The following CTNNA3 variants were observed in gnomAD, a reference collection of about 807,000 sequenced individuals.
CTNNA3 encodes catenin alpha-3.
In CTNNA3, 76 loss-of-function variants were observed where a neutral mutation model predicts 95.7. That is an observed-to-expected ratio of 0.79 (90% confidence interval 0.66 to 0.96). CTNNA3 has a LOEUF of 0.96. Ranked by LOEUF, CTNNA3 falls within the 40% of genes least tolerant of loss-of-function variation. CTNNA3 has a pLI of 0.00. For missense variants in CTNNA3, 1,191 were observed against 1,089.8 expected, an observed-to-expected ratio of 1.09 and a Z score of -1.31; for synonymous variants, 431 against 374.4, an observed-to-expected ratio of 1.15 and a Z score of -1.74.
At chr10:66,821,152 CAT>C (rs1842292685) in intron 7 of CTNNA3, among the ~76,000 whole-genome samples, 1 of 152,056 alleles carries the variant, frequency 6.6e-6, no homozygotes, top group African/African-American at 2.4e-5. Flanking sequence ...TATTCATGCA[CAT>C]AGTTTCCTTG....
At chr10:66,528,575 A>G (rs1841351171) in intron 10 of CTNNA3, among the ~76,000 whole-genome samples, 1 of 152,128 alleles carries the variant, frequency 6.6e-6, no homozygotes, top group South Asian at 2.1e-4. Flanking sequence ...AAAACCTGCC[A>G]CAAATAGTTT....
chr10:67,089,990 T>C (rs1857535086), intron 7 of CTNNA3, among the ~76,000 whole-genome samples: 1 of 152,032 alleles, frequency 6.6e-6, no homozygotes, highest in African/African-American at 2.4e-5. Flanking sequence ...TGAAACAAAA[T>C]AATCAAACTA....
intron 9 of CTNNA3, among the ~76,000 whole-genome samples, chr10:66,728,385 G>T (rs995700231): frequency 6.6e-6 from 1 of 152,112 alleles, no homozygotes. Context: ...TAGGTTATCT[G>T]TTTACTCTGA....
chr10:66,981,401 C>T (rs746141196), intron 7 of CTNNA3, among the ~76,000 whole-genome samples: 1 of 152,234 alleles, frequency 6.6e-6, no homozygotes, highest in Non-Finnish European at 1.5e-5. Context: ...CTGCACTCTT[C>T]TGGATTTTGA....
chr10:67,697,784 C>T (rs1840995535), upstream of CTNNA3, among the ~76,000 whole-genome samples: 1 of 151,922 alleles, frequency 6.6e-6, no homozygotes, highest in Admixed American at 6.6e-5. Flanking sequence ...ATATCTGCAG[C>T]CTCCAAGGTA....
intron 13 of CTNNA3, among the ~76,000 whole-genome samples, chr10:66,205,749 C>T (rs946715709): frequency 6.6e-5 from 10 of 151,870 alleles, no homozygotes; most frequent in African/African-American, 1.7e-4. Context: ...AAATTCATTG[C>T]GATCTGACTT....
intron 5 of CTNNA3, among the ~76,000 whole-genome samples, chr10:67,485,759 C>G (rs1267216076): frequency 6.6e-6 from 1 of 152,174 alleles, no homozygotes; most frequent in South Asian, 2.1e-4. Context: ...CAGAGGCTAA[C>G]GGCATACCTA....
In CTNNA3 at chr10:66,766,303, A is replaced by G; in HGVS notation, c.1242T>C (p.Tyr414=). 6.2e-7 allele frequency: 1 copy of G among 1,613,954 alleles called. No individual in the cohort carries two copies. Among genetic ancestry groups the G allele is most frequent in the South Asian group, 1.1e-5 (1 of 91,074 alleles). Residue 414 remains tyrosine, a synonymous_variant, in exon 9 of 18, where the codon TAT becomes TAC. Coordinates refer to ENST00000433211, the MANE Select transcript of CTNNA3 (RefSeq NM_013266.4). The part of the protein sequence containing the change: ...KNGREKEIKE[Y]AAIFHEHTSR... Reference sequence around the variant, plus strand: ...TGGTGTGTTCATGAAATATCGCAGCATATTCTTTTATTTCCTTTTCCCGGC... The same window carrying G: ...TGGTGTGTTCATGAAATATCGCAGCGTATTCTTTTATTTCCTTTTCCCGGC...
chr10:66,047,152 C>T (rs752695996), intron 15 of CTNNA3, among the ~76,000 whole-genome samples: 2 of 152,078 alleles, frequency 1.3e-5, no homozygotes, highest in African/African-American at 2.4e-5. Flanking sequence ...ATCTTGACAC[C>T]AAATCCTGGC....
intron 17 of CTNNA3, among the ~76,000 whole-genome samples, chr10:65,932,660 G>A (rs114045506): frequency 0.02 from 2,974 of 152,128 alleles, 105 homozygotes; most frequent in African/African-American, 0.068. Context: ...ATATTTTGTA[G>A]CTCATTGAAA....
In CTNNA3 at chr10:67,732,059, C is replaced by T. The variant is rs145637682; in HGVS notation, c.-2+31375G>A. Among the ~76,000 whole-genome samples the T allele has an allele frequency of 2.5e-3, 380 of 150,494 alleles. 2 individuals are homozygous for T. Among genetic ancestry groups the T allele is most frequent in the African/African-American group, 8.8e-3 (361 of 41,068 alleles). On this transcript the variant is annotated intron_variant, in intron 1 of 17. Transcript: ENST00000684154. ...CCTCCCAAAGTGCTGAGATTACAGGCGTGAGCCATCATGCCTGGCCCATCT... is the reference window on the plus strand; with the variant it reads ...CCTCCCAAAGTGCTGAGATTACAGGTGTGAGCCATCATGCCTGGCCCATCT...
At chr10:67,183,769 T>C (rs1862700159) in intron 6 of CTNNA3, among the ~76,000 whole-genome samples, 1 of 151,848 alleles carries the variant, frequency 6.6e-6, no homozygotes, top group Admixed American at 6.6e-5. Flanking sequence ...AATATAAAAA[T>C]AAAAAATGTA....
chr10:66,743,280 G>T (rs757015636), intron 9 of CTNNA3, among the ~76,000 whole-genome samples: 3 of 152,112 alleles, frequency 2.0e-5, no homozygotes, highest in Non-Finnish European at 4.4e-5. Flanking sequence ...ATACAGAATA[G>T]TACCTAATCT....
At chr10:67,548,576 G>C (rs900114061) in intron 3 of CTNNA3, among the ~76,000 whole-genome samples, 17 of 152,052 alleles carry the variant, frequency 1.1e-4, no homozygotes, top group Admixed American at 1.3e-4. Context: ...ATAACCAATA[G>C]AATTGCTATC....
intron 13 of CTNNA3, among the ~76,000 whole-genome samples, chr10:66,255,841 G>A (rs1036174260): frequency 1.3e-5 from 2 of 152,196 alleles, no homozygotes; most frequent in African/African-American, 4.8e-5. Flanking sequence ...CATTTAGCCA[G>A]GAGCACTCTA....
intron 10 of CTNNA3, among the ~76,000 whole-genome samples, chr10:66,582,440 T>A (rs1394702003): frequency 1.3e-5 from 2 of 151,798 alleles, no homozygotes; most frequent in Non-Finnish European, 3.0e-5. Flanking sequence ...ATTTTCAGCT[T>A]GGTTGTTGTT....
chr10:66,350,431 T>C (rs1334790546), intron 12 of CTNNA3, among the ~76,000 whole-genome samples: 1 of 152,054 alleles, frequency 6.6e-6, no homozygotes, highest in Non-Finnish European at 1.5e-5. Flanking sequence ...AATATGTTCT[T>C]TTCCCAATCA....
chr10:65,929,125 G>T (rs1240535107), intron 17 of CTNNA3, among the ~76,000 whole-genome samples: 1 of 150,728 alleles, frequency 6.6e-6, no homozygotes, highest in Non-Finnish European at 1.5e-5. Context: ...AACATGTGGT[G>T]TTTGGTTTTT....
At chr10:66,287,278 G>A (rs1326198524) in intron 12 of CTNNA3, among the ~76,000 whole-genome samples, 3 of 152,106 alleles carry the variant, frequency 2.0e-5, no homozygotes, top group African/African-American at 7.2e-5. Context: ...CTGGGTAACA[G>A]AATGAGAGCC....
Sources: gnomAD v4.1 joint callset for allele counts (sites outside exome capture counted in the v4.1 genomes callset) on GRCh38, gnomAD v4.1.1 for gene constraint, MANE v1.5 for transcripts, NCBI Gene and HGNC (gene_info 2026-07-23, HGNC 2026-07-21) for gene names.